RALYL: variants seen among roughly 807,000 people sequenced by gnomAD.
RALYL encodes RNA-binding Raly-like protein.
In RALYL, 29 loss-of-function variants were observed where a neutral mutation model predicts 35.1. That is an observed-to-expected ratio of 0.83 (90% CI 0.61 to 1.13). The LOEUF (loss-of-function observed/expected upper bound fraction) is 1.13, where lower values mean the gene tolerates loss of function less well. RALYL is among the 50% of genes most tolerant of loss of function. RALYL has a pLI of 0.00. For missense variants in RALYL, 359 were observed against 360.4 expected (o/e 1.00, Z 0.03); for synonymous variants, 120 against 127.6 (o/e 0.94, Z 0.40).
intron 1 of RALYL, among the ~76,000 whole-genome samples, chr8:84,496,570 A>G (rs2056047150): frequency 6.6e-6 from 1 of 152,168 alleles, no homozygotes; most frequent in Admixed American, 6.6e-5. Context: ...TCATTTGGAA[A>G]CATGACTGTC....
At chr8:84,643,201 A>G (rs1826764640) in intron 2 of RALYL, among the ~76,000 whole-genome samples, 4 of 151,312 alleles carry the variant, frequency 2.6e-5, no homozygotes, top group Admixed American at 2.6e-4. Flanking sequence ...CCCACCCCCA[A>G]AAGTCAGCTG....
chr8:84,404,625 G>A (rs1346720810), intron 1 of RALYL, among the ~76,000 whole-genome samples: 3 of 152,108 alleles, frequency 2.0e-5, no homozygotes, highest in African/African-American at 7.2e-5. Context: ...ATGTTGGCCT[G>A]AAATTTTCTT....
rs558825931 is a variant in RALYL at position 84,355,249 on chromosome 8, C to T, written c.-24+170825C>T. On this transcript the variant is annotated intron_variant, in intron 1 of 8. Transcript: ENST00000521268. Reference sequence around the variant, plus strand: ...TCTGAGACAAGGACTCTGCCGGGAACTAGGACTATAATGATGAATATGTCA... The same window carrying T: ...TCTGAGACAAGGACTCTGCCGGGAATTAGGACTATAATGATGAATATGTCA... Among the ~76,000 whole-genome samples, 16 of 150,516 alleles carry T rather than the reference C, an allele frequency of 1.1e-4. No homozygotes were observed. In the South Asian group the frequency reaches 3.3e-3, roughly 31 times the overall value.
intron 1 of RALYL, among the ~76,000 whole-genome samples, chr8:84,314,083 C>A (rs1843308583): frequency 6.6e-6 from 1 of 152,098 alleles, no homozygotes; most frequent in South Asian, 2.1e-4. Context: ...CAAGGGGAAG[C>A]AAGTACCTTC....
chr8:84,805,952 T>C (rs568699464), intron 4 of RALYL, among the ~76,000 whole-genome samples: 50 of 152,188 alleles, frequency 3.3e-4, no homozygotes, highest in Non-Finnish European at 5.1e-4. Context: ...AAAGCTGTCA[T>C]ATATAGGCAG....
At chr8:84,330,081 G>A (rs575706848) in intron 1 of RALYL, among the ~76,000 whole-genome samples, 2 of 151,968 alleles carry the variant, frequency 1.3e-5, no homozygotes, top group African/African-American at 4.8e-5. Context: ...CAAAAACGTG[G>A]ACATTCAATC....
In RALYL at chr8:84,346,908, AAGG is replaced by A. The variant is rs745862851; in HGVS notation, c.-24+162486_-24+162488del. Reference sequence around the variant, plus strand: ...TATTTATAAAATATTTTTAAGAAATAAGGACATTTGGCCAGGCACGGTGGTTCA... The same window carrying A: ...TATTTATAAAATATTTTTAAGAAATAACATTTGGCCAGGCACGGTGGTTCA... On this transcript the variant is annotated intron_variant, in intron 1 of 8. Transcript: ENST00000521268. Among the ~76,000 whole-genome samples the A allele has an allele frequency of 4.6e-5, 7 of 152,274 alleles. No individual in the cohort carries two copies. The East Asian group carries it at 7.7e-4, about 17-fold the overall frequency.
At chr8:84,261,130 TTTGA>T (rs1269696557) in intron 1 of RALYL, among the ~76,000 whole-genome samples, 3 of 150,120 alleles carry the variant, frequency 2.0e-5, no homozygotes, top group African/African-American at 5.0e-5. Flanking sequence ...TAATTTACTC[TTTGA>T]TTAATTCCTA....
intron 1 of RALYL, among the ~76,000 whole-genome samples, chr8:84,519,722 G>T (rs572632589): frequency 6.6e-6 from 1 of 152,116 alleles, no homozygotes; most frequent in Non-Finnish European, 1.5e-5. Context: ...ACCCCTTTTA[G>T]CAATGTCTAC....
chr8:84,310,637 A>T (rs1842589378), intron 1 of RALYL, among the ~76,000 whole-genome samples: 1 of 152,208 alleles, frequency 6.6e-6, no homozygotes, highest in African/African-American at 2.4e-5. Flanking sequence ...ATCATATAAA[A>T]ATAAATGTGA....
At chr8:84,262,583 G>A (rs1351359414) in intron 1 of RALYL, among the ~76,000 whole-genome samples, 1 of 152,040 alleles carries the variant, frequency 6.6e-6, no homozygotes, top group East Asian at 1.9e-4. Flanking sequence ...GTCCTATCCT[G>A]TTCTGTAAAA....
At chr8:84,887,348 T>G (rs183689522) in intron 7 of RALYL, among the ~76,000 whole-genome samples, 77 of 152,340 alleles carry the variant, frequency 5.1e-4, no homozygotes, top group Non-Finnish European at 1.3e-4. Flanking sequence ...TACTAATTTA[T>G]GTACTACTAC....
At chr8:84,323,692 A>G (rs1322554888) in intron 1 of RALYL, among the ~76,000 whole-genome samples, 1 of 152,102 alleles carries the variant, frequency 6.6e-6, no homozygotes, top group Non-Finnish European at 1.5e-5. Context: ...AAACCAAATG[A>G]AGAAAATTAT....
chr8:84,819,454 CAATATCACCAGTA>C (rs1357056523), intron 4 of RALYL, among the ~76,000 whole-genome samples: 2 of 152,168 alleles, frequency 1.3e-5, no homozygotes, highest in Non-Finnish European at 2.9e-5. Context: ...ATGGCATATA[CAATATCACCAGTA>C]AATTGGGTAA....
At chr8:84,542,873 T>G (rs1306885217) in intron 2 of RALYL, among the ~76,000 whole-genome samples, 1 of 152,156 alleles carries the variant, frequency 6.6e-6, no homozygotes, top group African/African-American at 2.4e-5. Flanking sequence ...TGAATTGAAA[T>G]TCATAAAAGA....
intron 4 of RALYL, among the ~76,000 whole-genome samples, chr8:84,816,659 C>CA (rs991073974): frequency 3.3e-5 from 5 of 151,380 alleles, no homozygotes; most frequent in East Asian, 3.9e-4. Flanking sequence ...TTAATGGATA[C>CA]AAAAAAAATT....
chr8:84,898,780 C>A lies in RALYL; in HGVS notation c.858+11004C>A, dbSNP rs77459255. Among the ~76,000 whole-genome samples the A allele has an allele frequency of 9.8e-4, 149 of 152,234 alleles. 4 individuals are homozygous for A. In the East Asian group the frequency reaches 0.025, roughly 25 times the overall value. On this transcript the variant is annotated intron_variant, in intron 8 of 8. Coordinates refer to ENST00000521268, the MANE Select transcript of RALYL (RefSeq NM_173848.7). ...CCTGAAATGTCATTCCGTACCTGAT[C>A]CTGGTGAACACCCACTTTTATTTCA...
At chr8:84,725,017 A>T (rs1461797177) in intron 2 of RALYL, among the ~76,000 whole-genome samples, 1 of 151,630 alleles carries the variant, frequency 6.6e-6, no homozygotes, top group African/African-American at 2.4e-5. Flanking sequence ...CCTGCTGTTT[A>T]TCATAGTCTG....
intron 2 of RALYL, among the ~76,000 whole-genome samples, chr8:84,734,655 G>A (rs2171588): frequency 0.27 from 40,819 of 151,932 alleles, 5,829 homozygotes; most frequent in African/African-American, 0.34. Context: ...CTATTCTTAT[G>A]AGATAGTTCT....
Sources: gnomAD v4.1 joint callset for allele counts (sites outside exome capture counted in the v4.1 genomes callset) on GRCh38, gnomAD v4.1.1 for gene constraint, MANE v1.5 for transcripts, NCBI Gene and HGNC (gene_info 2026-07-23, HGNC 2026-07-21) for gene names.